WDR27: variants seen among roughly 807,000 people sequenced by gnomAD.
The protein encoded by WDR27 is WD repeat-containing protein 27.
In WDR27, 100 loss-of-function variants were observed where a neutral mutation model predicts 114.4. The ratio of observed to expected loss-of-function variants is 0.87; its 90% CI spans 0.74 to 1.03. The LOEUF is 1.03. Among genes scored for constraint, WDR27 ranks in the 50% least tolerant of loss-of-function variants. WDR27 has a pLI of 0.00. For missense variants in WDR27, 1,129 were observed against 1,092.9 expected, an observed-to-expected ratio of 1.03 and a Z score of -0.47; for synonymous variants, 449 against 423.1, an observed-to-expected ratio of 1.06 and a Z score of -0.75.
At chr6:169,699,743 G>C (rs1051767075) in intron 1 of WDR27, among the ~76,000 whole-genome samples, 14 of 152,100 alleles carry the variant, frequency 9.2e-5, no homozygotes, top group African/African-American at 3.4e-4. Flanking sequence ...GCACTTTGTG[G>C]GGCCGAGGCA....
chr6:169,588,699 A>C (rs1294039820), intron 23 of WDR27, among the ~76,000 whole-genome samples: 1 of 152,066 alleles, frequency 6.6e-6, no homozygotes, highest in Non-Finnish European at 1.5e-5. Flanking sequence ...GGGAATGTGC[A>C]CTCCTAACAG....
chr6:169,580,135 C>G (rs768802046), intron 24 of WDR27, among the ~76,000 whole-genome samples: 2 of 152,192 alleles, frequency 1.3e-5, no homozygotes, highest in Non-Finnish European at 2.9e-5. Flanking sequence ...CACTTGTTCC[C>G]ATGTTTTCCT....
chr6:169,496,157 G>A (rs1790376328), intron 25 of WDR27, among the ~76,000 whole-genome samples: 2 of 151,898 alleles, frequency 1.3e-5, no homozygotes, highest in South Asian at 4.1e-4. Context: ...CAGAATGAAT[G>A]GAAAAAATGC....
intron 1 of WDR27, among the ~76,000 whole-genome samples, chr6:169,699,839 A>T (rs1401269555): frequency 6.6e-6 from 1 of 151,916 alleles, no homozygotes; most frequent in African/African-American, 2.4e-5. Context: ...AAAAGTAGTC[A>T]GGTGTGGCAG....
At chr6:169,658,231 C>A in intron 13 of WDR27, 45 bp downstream of exon 13, 1 of 1,459,124 alleles carries the variant, frequency 6.9e-7, no homozygotes, top group Non-Finnish European at 9.5e-7. Context: ...ACAATGAGAA[C>A]GCATCAGCCT....
At chr6:169,566,433 G>A (rs1800511577) in intron 25 of WDR27, among the ~76,000 whole-genome samples, 1 of 152,244 alleles carries the variant, frequency 6.6e-6, no homozygotes, top group Non-Finnish European at 1.5e-5. Flanking sequence ...AGTGGCCACT[G>A]TCCCGGGGGC....
intron 25 of WDR27, among the ~76,000 whole-genome samples, chr6:169,547,667 G>C (rs145992874): frequency 1.3e-3 from 192 of 152,134 alleles, no homozygotes; most frequent in African/African-American, 3.5e-3. Flanking sequence ...ACTTCATAAA[G>C]AATATCTACC....
At chr6:169,464,476 T>C (rs1785292760) in intron 25 of WDR27, among the ~76,000 whole-genome samples, 2 of 152,168 alleles carry the variant, frequency 1.3e-5, no homozygotes, top group African/African-American at 4.8e-5. Context: ...GGGTTGGCAA[T>C]GATCTATTGG....
chr6:169,626,751 G>A (rs770496382), intron 21 of WDR27, among the ~76,000 whole-genome samples: 1 of 152,212 alleles, frequency 6.6e-6, no homozygotes, highest in African/African-American at 2.4e-5. Context: ...TGCCGAAATG[G>A]TCACCCTTCA....
chr6:169,430,986 C>T, the WDR27 span, among the ~76,000 whole-genome samples: 1 of 152,090 alleles, frequency 6.6e-6, no homozygotes, highest in South Asian at 2.1e-4. Flanking sequence ...GCACTCAGGG[C>T]ACACACTGCT....
intron 21 of WDR27, among the ~76,000 whole-genome samples, chr6:169,625,374 C>T (rs570756567): frequency 1.3e-5 from 2 of 152,282 alleles, no homozygotes; most frequent in Middle Eastern, 3.4e-3. Flanking sequence ...AGTGTAGACA[C>T]AAGACCAAGT....
intron 1 of WDR27, among the ~76,000 whole-genome samples, chr6:169,700,009 G>T (rs1787452480): frequency 6.6e-6 from 1 of 152,054 alleles, no homozygotes; most frequent in South Asian, 2.1e-4. Flanking sequence ...ATGGACAAGG[G>T]AATTCCTCCC....
At chr6:169,643,839 G>A in intron 16 of WDR27, 53 bp from the exon 17 acceptor site, 1 of 1,442,430 alleles carries the variant, frequency 6.9e-7, no homozygotes, top group Non-Finnish European at 9.5e-7. Flanking sequence ...ATTCATAGGA[G>A]TCACACTGTA....
chr6:169,691,613 A>G (rs7750758), intron 1 of WDR27, among the ~76,000 whole-genome samples: 31,254 of 152,226 alleles, frequency 0.21, 4,102 homozygotes, highest in East Asian at 0.64. Flanking sequence ...TACACTCATC[A>G]AATTGTGATT....
chr6:169,484,323 A>C (rs1788596811), intron 25 of WDR27, among the ~76,000 whole-genome samples: 1 of 152,244 alleles, frequency 6.6e-6, no homozygotes, highest in Admixed American at 6.5e-5. Flanking sequence ...CAACGTCAGC[A>C]AAGTTTCAGA....
intron 18 of WDR27, among the ~76,000 whole-genome samples, 190 bp downstream of exon 18, chr6:169,638,349 A>G (rs1400095246): frequency 1.3e-5 from 1 of 78,798 alleles, no homozygotes; most frequent in Non-Finnish European, 2.4e-5. Flanking sequence ...AAAAAAAAAA[A>G]AAGAAACTAA....
downstream of WDR27, among the ~76,000 whole-genome samples, chr6:169,454,157 TAAAAG>T (rs1269179201): frequency 7.9e-5 from 12 of 152,158 alleles, no homozygotes; most frequent in African/African-American, 1.9e-4. Flanking sequence ...ATGAGAGAAA[TAAAAG>T]AGAGGAGGCA....
chr6:169,532,920 G>A (rs1242125596), intron 25 of WDR27, among the ~76,000 whole-genome samples: 1 of 151,710 alleles, frequency 6.6e-6, no homozygotes, highest in Non-Finnish European at 1.5e-5. Context: ...ACTATTGATA[G>A]CAATCCAGCA....
At chr6:169,657,035 G>A (rs912932678) in intron 13 of WDR27, among the ~76,000 whole-genome samples, 1 of 152,096 alleles carries the variant, frequency 6.6e-6, no homozygotes, top group Non-Finnish European at 1.5e-5. Context: ...AGCATAAACC[G>A]GCAGGAGACG....
Sources: allele counts gnomAD v4.1 joint callset (sites outside exome capture counted in the v4.1 genomes callset), GRCh38; gene constraint gnomAD v4.1.1; transcripts MANE v1.5; gene names NCBI Gene and HGNC (gene_info 2026-07-23, HGNC 2026-07-21).